JARID2: variants seen among roughly 807,000 people sequenced by gnomAD.
JARID2 encodes jumonji and AT-rich interaction domain containing 2.
JARID2 carries 21 observed loss-of-function variants against 125.6 expected under a neutral mutation model. The ratio of observed to expected loss-of-function variants is 0.17; its 90% CI spans 0.12 to 0.24. JARID2 has a LOEUF of 0.24. JARID2 is among the 10% of genes least tolerant of loss of function. JARID2 has a pLI of 1.00. For synonymous variants in JARID2, 736 were observed against 661.6 expected (o/e 1.11, Z -1.73); for missense variants, 1,303 against 1,639.6 (o/e 0.79, Z 3.55).
intron 1 of JARID2, among the ~76,000 whole-genome samples, chr6:15,249,492 A>G (rs1759352316): frequency 6.6e-6 from 1 of 152,210 alleles, no homozygotes; most frequent in African/African-American, 2.4e-5. Flanking sequence ...TGAGCAGGGA[A>G]ACCAGAGGCT....
intron 1 of JARID2, among the ~76,000 whole-genome samples, chr6:15,332,364 A>T (rs1172064841): frequency 1.3e-5 from 2 of 152,210 alleles, no homozygotes; most frequent in African/African-American, 4.8e-5. Context: ...ATCATGTAAT[A>T]CTGTTACCAT....
intron 2 of JARID2, 128 bp downstream of exon 2, chr6:15,374,380 A>G: frequency 1.1e-6 from 1 of 913,454 alleles, no homozygotes; most frequent in African/African-American, 1.6e-5. Flanking sequence ...TCTGTAGGCT[A>G]GGTGAATCTG....
chr6:15,281,394 CA>C (rs2127376008), intron 1 of JARID2, among the ~76,000 whole-genome samples: 1 of 152,334 alleles, frequency 6.6e-6, no homozygotes, highest in South Asian at 2.1e-4. Flanking sequence ...TGTGTGAATT[CA>C]CAAACAACAT....
At chr6:15,469,579 C>G (rs1286247844) in intron 5 of JARID2, among the ~76,000 whole-genome samples, 2 of 150,350 alleles carry the variant, frequency 1.3e-5, no homozygotes, top group African/African-American at 4.9e-5. Context: ...ACTACAGGCC[C>G]CCACGTATTA....
At chr6:15,321,627 C>T (rs1175488412) in intron 1 of JARID2, among the ~76,000 whole-genome samples, 1 of 152,050 alleles carries the variant, frequency 6.6e-6, no homozygotes, top group Admixed American at 6.6e-5. Flanking sequence ...AGCTTCTCCT[C>T]GTATTTACAA....
chr6:15,449,798 T>G (rs1192767366), intron 3 of JARID2, among the ~76,000 whole-genome samples: 2 of 152,190 alleles, frequency 1.3e-5, no homozygotes, highest in African/African-American at 4.8e-5. Flanking sequence ...ATTGTCAGTT[T>G]GTATCAGGAA....
intron 2 of JARID2, among the ~76,000 whole-genome samples, chr6:15,393,824 G>A (rs1046925614): frequency 2.0e-5 from 3 of 152,126 alleles, no homozygotes; most frequent in African/African-American, 7.2e-5. Flanking sequence ...AACAGAATGA[G>A]GTTACGTTAG....
intron 1 of JARID2, among the ~76,000 whole-genome samples, chr6:15,285,106 G>GTTTTTTTTTTTTT (rs199945772): frequency 4.2e-5 from 5 of 119,460 alleles, no homozygotes; most frequent in African/African-American, 1.6e-4. Context: ...GTCTTTCTGG[G>GTTTTTTTTTTTTT]TTTTTTTTTT....
chr6:15,499,341 G>T (rs1770616350), intron 7 of JARID2, among the ~76,000 whole-genome samples: 1 of 152,210 alleles, frequency 6.6e-6, no homozygotes. Context: ...GTGGGGAAGG[G>T]GCTCGGCCAC....
intron 1 of JARID2, among the ~76,000 whole-genome samples, chr6:15,365,758 A>G (rs747954040): frequency 2.6e-5 from 4 of 152,128 alleles, no homozygotes; most frequent in Non-Finnish European, 5.9e-5. Context: ...GTCTGAAGAA[A>G]TTTGCTGCTT....
chr6:15,501,428 C>T lies in JARID2; in HGVS notation c.2448+19C>T. On this transcript the variant is annotated intron_variant, in intron 8 of 17. Transcript: ENST00000341776. Reference sequence around the variant, plus strand: ...CTATAAGGTAGGGGCCTCCGCAGAGCAGCCACTCCCAGCTGCAGGAGTGCG... The same window carrying T: ...CTATAAGGTAGGGGCCTCCGCAGAGTAGCCACTCCCAGCTGCAGGAGTGCG... The T allele has an allele frequency of 6.6e-7, 1 of 1,516,546 alleles. No individual in the cohort carries two copies. Among genetic ancestry groups the T allele is most frequent in the Non-Finnish European group, 8.8e-7 (1 of 1,135,490 alleles). 93.9% of individuals were successfully genotyped at this position (1,516,546 alleles called of 1,614,324 possible).
At chr6:15,274,859 C>T (rs559299580) in intron 1 of JARID2, among the ~76,000 whole-genome samples, 16 of 152,154 alleles carry the variant, frequency 1.1e-4, no homozygotes, top group Non-Finnish European at 2.2e-4. Flanking sequence ...AAGCCACTGA[C>T]AATCTGATGG....
chr6:15,349,713 C>T (rs973527384), intron 1 of JARID2, among the ~76,000 whole-genome samples: 10 of 152,134 alleles, frequency 6.6e-5, no homozygotes, highest in Admixed American at 6.5e-5. Context: ...CCCCCACCAC[C>T]CCTTACGCTA....
At chr6:15,260,722 A>G (rs1454602837) in intron 1 of JARID2, among the ~76,000 whole-genome samples, 10 of 152,198 alleles carry the variant, frequency 6.6e-5, no homozygotes, top group Admixed American at 6.5e-4. Flanking sequence ...AACTCTAATG[A>G]TGCTATTAAA....
intron 3 of JARID2, among the ~76,000 whole-genome samples, chr6:15,417,495 T>C (rs1246802967): frequency 6.6e-6 from 1 of 152,166 alleles, no homozygotes; most frequent in South Asian, 2.1e-4. Flanking sequence ...CCCAGCACTT[T>C]GGGAGGCTGA....
At chr6:15,262,584 G>T (rs908503272) in intron 1 of JARID2, among the ~76,000 whole-genome samples, 5 of 147,036 alleles carry the variant, frequency 3.4e-5, no homozygotes, top group African/African-American at 1.3e-4. Context: ...CCAGGCTGGA[G>T]TGCAGTGGCG....
At chr6:15,398,617 G>A (rs1347975725) in intron 2 of JARID2, among the ~76,000 whole-genome samples, 2 of 152,176 alleles carry the variant, frequency 1.3e-5, no homozygotes, top group Non-Finnish European at 2.9e-5. Context: ...GGACTGACTC[G>A]CATGTACTGT....
At chr6:15,318,980 A>G (rs768169537) in intron 1 of JARID2, among the ~76,000 whole-genome samples, 1 of 152,224 alleles carries the variant, frequency 6.6e-6, no homozygotes, top group Non-Finnish European at 1.5e-5. Context: ...GGCTGGCTTT[A>G]TTAAAAGGAC....
chr6:15,330,445 A>G (rs887875894), intron 1 of JARID2, among the ~76,000 whole-genome samples: 1 of 152,230 alleles, frequency 6.6e-6, no homozygotes, highest in Non-Finnish European at 1.5e-5. Context: ...TACCGGAGGA[A>G]GTATGGTGTG....
Sources: gnomAD v4.1 joint callset for allele counts (sites outside exome capture counted in the v4.1 genomes callset) on GRCh38, gnomAD v4.1.1 for gene constraint, MANE v1.5 for transcripts, NCBI Gene and HGNC (gene_info 2026-07-23, HGNC 2026-07-21) for gene names.